CHST11: variants seen among roughly 807,000 people sequenced by gnomAD.
The protein encoded by CHST11 is C4S-1.
CHST11 carries 9 observed loss-of-function variants against 30.4 expected under a neutral mutation model. The observed-to-expected ratio is 0.30, with a 90% CI of 0.18 to 0.52. CHST11 has a LOEUF of 0.52. Among genes scored for constraint, CHST11 ranks in the 20% least tolerant of loss-of-function variants. The pLI is 0.97. For synonymous variants in CHST11, 152 were observed against 187.8 expected (o/e 0.81, Z 1.56); for missense variants, 348 against 460.6 (o/e 0.76, Z 2.24).
Position 104,661,388 on chromosome 12 carries a change from A to G in CHST11, c.204+59397A>G, listed in dbSNP as rs940366946. On this transcript the variant is annotated intron_variant, in intron 2 of 2. Transcript: ENST00000303694. Reference sequence around the variant, plus strand: ...GGCAATATGGTAATACCCCATCTCTACTACTACTACTACTACTAATAATAA... The same window carrying G: ...GGCAATATGGTAATACCCCATCTCTGCTACTACTACTACTACTAATAATAA... Among the ~76,000 whole-genome samples, 5 of 151,846 alleles carry G rather than the reference A, an allele frequency of 3.3e-5. No individual in the cohort carries two copies. In the East Asian group the frequency reaches 9.6e-4, roughly 29 times the overall value.
At chr12:104,682,186 T>C (rs1391947510) in intron 2 of CHST11, among the ~76,000 whole-genome samples, 2 of 152,112 alleles carry the variant, frequency 1.3e-5, no homozygotes, top group Admixed American at 6.5e-5. Context: ...AATGCCGAAA[T>C]AATATAATGT....
At chr12:104,543,663 A>T (rs2038306644) in intron 1 of CHST11, among the ~76,000 whole-genome samples, 1 of 152,120 alleles carries the variant, frequency 6.6e-6, no homozygotes, top group Non-Finnish European at 1.5e-5. Flanking sequence ...TACTTTATCT[A>T]TCAGTGGCAT....
chr12:104,719,160 G>A (rs373467429), intron 2 of CHST11, among the ~76,000 whole-genome samples: 25 of 152,202 alleles, frequency 1.6e-4, no homozygotes, highest in African/African-American at 4.8e-4. Flanking sequence ...GAATGGTGAC[G>A]CCCGGAAGCA....
At chr12:104,594,267 G>A (rs979342675) in intron 1 of CHST11, among the ~76,000 whole-genome samples, 1 of 137,852 alleles carries the variant, frequency 7.3e-6, no homozygotes, top group Non-Finnish European at 1.6e-5. Flanking sequence ...CTCTGCAAAT[G>A]AGCAGGGTGA....
intron 2 of CHST11, chr12:104,602,302 G>A (rs181772378): frequency 2.4e-6 from 1 of 424,228 alleles, no homozygotes; most frequent in East Asian, 3.9e-5. Flanking sequence ...GTCCACCGAA[G>A]CTGTGCAGTC....
intron 1 of CHST11, among the ~76,000 whole-genome samples, chr12:104,495,980 C>T (rs1274881857): frequency 6.6e-6 from 1 of 152,164 alleles, no homozygotes; most frequent in Non-Finnish European, 1.5e-5. Context: ...GGAATAAGGC[C>T]CATGCCTCAG....
intron 1 of CHST11, among the ~76,000 whole-genome samples, chr12:104,464,501 T>A (rs995962030): frequency 5.3e-5 from 8 of 152,148 alleles, no homozygotes; most frequent in Non-Finnish European, 1.0e-4. Context: ...TTCAATTTTT[T>A]AAAATTTATC....
At chr12:104,633,672 C>G (rs1380405592) in intron 2 of CHST11, among the ~76,000 whole-genome samples, 1 of 151,968 alleles carries the variant, frequency 6.6e-6, no homozygotes, top group Non-Finnish European at 1.5e-5. Context: ...GCCTCGGCCT[C>G]CCAAAGTGCT....
At chr12:104,498,127 C>T (rs764765526) in intron 1 of CHST11, among the ~76,000 whole-genome samples, 1 of 151,846 alleles carries the variant, frequency 6.6e-6, no homozygotes, top group African/African-American at 2.4e-5. Flanking sequence ...GCCGTGTTGG[C>T]CAGGCTGGTT....
intron 2 of CHST11, among the ~76,000 whole-genome samples, chr12:104,607,491 T>TTTTGCAATTC (rs2039017149): frequency 6.6e-6 from 1 of 152,054 alleles, no homozygotes; most frequent in South Asian, 2.1e-4. Context: ...TTTTGCAAAG[T>TTTTGCAATTC]TATGAGAGAA....
At chr12:104,584,737 T>C (rs2038784825) in intron 1 of CHST11, among the ~76,000 whole-genome samples, 1 of 152,208 alleles carries the variant, frequency 6.6e-6, no homozygotes, top group South Asian at 2.1e-4. Flanking sequence ...TTTTGATTGG[T>C]CCAAGATTAT....
intron 1 of CHST11, among the ~76,000 whole-genome samples, chr12:104,489,127 C>T (rs577314002): frequency 8.5e-5 from 13 of 152,150 alleles, no homozygotes; most frequent in African/African-American, 3.1e-4. Flanking sequence ...ACCTCCACCT[C>T]CCAAGTTCAA....
chr12:104,658,016 T>G (rs2039562204), intron 2 of CHST11, among the ~76,000 whole-genome samples: 1 of 152,128 alleles, frequency 6.6e-6, no homozygotes. Flanking sequence ...TGGGTAGTTT[T>G]CCACTGCAAC....
At chr12:104,644,241 C>G (rs769250058) in intron 2 of CHST11, among the ~76,000 whole-genome samples, 9 of 152,144 alleles carry the variant, frequency 5.9e-5, no homozygotes, top group Admixed American at 1.3e-4. Context: ...CTGGACACCC[C>G]CTACCTTCCC....
rs556061203 is a variant in CHST11, at chr12:104,534,031, A to G, written c.119-67875A>G. On this transcript the variant is annotated intron_variant, in intron 1 of 2. Transcript: ENST00000303694. The stretch of plus-strand genomic sequence containing the variant: ...AAAGAGAGATCTTGGGTTAGTAGAG[A>G]TGCATTTTTTAATAGAGAAAGGGAA... 9.9e-5 allele frequency among the ~76,000 whole-genome samples: 15 copies of G among 151,374 alleles called. No individual in the cohort carries two copies. The South Asian group carries it at 2.7e-3, about 27-fold the overall frequency.
intron 2 of CHST11, among the ~76,000 whole-genome samples, chr12:104,615,057 C>A (rs2039096872): frequency 6.6e-6 from 1 of 152,198 alleles, no homozygotes; most frequent in South Asian, 2.1e-4. Flanking sequence ...CATTACCGCA[C>A]TGGGAGACAC....
chr12:104,741,928 G>A (rs1056470772), intron 2 of CHST11, among the ~76,000 whole-genome samples: 2 of 152,152 alleles, frequency 1.3e-5, no homozygotes, highest in African/African-American at 2.4e-5. Context: ...TCAGATTCCC[G>A]CTGTGATTCT....
chr12:104,483,509 C>A (rs1290023770), intron 1 of CHST11, among the ~76,000 whole-genome samples: 3 of 152,154 alleles, frequency 2.0e-5, no homozygotes, highest in African/African-American at 7.2e-5. Flanking sequence ...CCCGGCCTCC[C>A]CATGCACTTT....
chr12:104,702,607 G>A (rs1187567609), intron 2 of CHST11, among the ~76,000 whole-genome samples: 1 of 152,152 alleles, frequency 6.6e-6, no homozygotes, highest in Admixed American at 6.5e-5. Context: ...GCTGCAGGGA[G>A]AGGAGAGACA....
Sources: allele counts gnomAD v4.1 joint callset (sites outside exome capture counted in the v4.1 genomes callset), GRCh38; gene constraint gnomAD v4.1.1; transcripts MANE v1.5; gene names NCBI Gene and HGNC (gene_info 2026-07-23, HGNC 2026-07-21).